PRICKLE1: variants seen among roughly 807,000 people sequenced by gnomAD.
The protein encoded by PRICKLE1 is prickle planar cell polarity protein 1, also known as prickle-like protein 1.
PRICKLE1 carries 14 observed loss-of-function variants against 70.2 expected under a neutral mutation model. The observed-to-expected ratio is 0.20, with a 90% CI of 0.13 to 0.31. The LOEUF is 0.31. PRICKLE1 is among the 10% of genes least tolerant of loss of function. The probability of loss-of-function intolerance (pLI) is 1.00; values close to 1 mark genes in which losing one functional copy is unlikely to be tolerated. For synonymous variants in PRICKLE1, 357 were observed against 379.9 expected, an observed-to-expected ratio of 0.94 and a Z score of 0.70; for missense variants, 821 against 1,026.2, an observed-to-expected ratio of 0.80 and a Z score of 2.73.
chr12:42,568,085 TC>T, intron 1 of PRICKLE1, among the ~76,000 whole-genome samples: 1 of 152,342 alleles, frequency 6.6e-6, no homozygotes, highest in African/African-American at 2.4e-5. Flanking sequence ...ATATAAATCA[TC>T]CTTGAGATCT....
chr12:42,561,122 C>A (rs1479764091), intron 1 of PRICKLE1, among the ~76,000 whole-genome samples: 1 of 152,124 alleles, frequency 6.6e-6, no homozygotes, highest in African/African-American at 2.4e-5. Context: ...AAACCAACAC[C>A]CTTCAAATGT....
In PRICKLE1 at chr12:42,458,656, C is replaced by T. The variant is rs991759765; in HGVS notation, c.*1153G>A. 6.6e-6 allele frequency: 1 copy of T among 152,164 alleles called. No individual in the cohort carries two copies. The highest frequency in any genetic ancestry group is 1.9e-4 in the East Asian group (1 of 5,196). 9.4% of individuals were successfully genotyped at this position (152,164 alleles called of 1,614,324 possible). ...GAGGGAAGGAATAAAAAGGAATAAC[C>T]TCTCTTAAAATAACAAATCTACAAA... On this transcript the variant is annotated 3_prime_UTR_variant, in exon 8 of 8. Coordinates refer to ENST00000345127, the MANE Select transcript of PRICKLE1 (RefSeq NM_153026.3).
At chr12:42,513,244 G>A (rs1184171615) in intron 1 of PRICKLE1, among the ~76,000 whole-genome samples, 5 of 152,068 alleles carry the variant, frequency 3.3e-5, no homozygotes, top group South Asian at 4.2e-4. Context: ...TTACAGGGGT[G>A]AGCCACCGCA....
At chr12:42,543,257 A>AT (rs1486454649) in intron 1 of PRICKLE1, among the ~76,000 whole-genome samples, 1 of 152,180 alleles carries the variant, frequency 6.6e-6, no homozygotes, top group Non-Finnish European at 1.5e-5. Flanking sequence ...TTCAGGCTAA[A>AT]TGTTCTTGAA....
intron 1 of PRICKLE1, among the ~76,000 whole-genome samples, chr12:42,479,513 T>G (rs571720949): frequency 6.6e-6 from 1 of 152,356 alleles, no homozygotes; most frequent in South Asian, 2.1e-4. Context: ...CACAGTGATA[T>G]AATGAGGGGT....
chr12:42,567,799 A>C (rs1233630765), intron 1 of PRICKLE1, among the ~76,000 whole-genome samples: 1 of 112,388 alleles, frequency 8.9e-6, no homozygotes, highest in Non-Finnish European at 2.3e-5. Flanking sequence ...TTCATCTCAA[A>C]AAAAAAAAAA....
chr12:42,460,550 A>G lies in PRICKLE1; in HGVS notation c.1755T>C (p.Ser585=), dbSNP rs749279543. 1 of 1,614,154 alleles carries G rather than the reference A, an allele frequency of 6.2e-7. No individual in the cohort carries two copies. The highest frequency in any genetic ancestry group is 2.2e-5 in the East Asian group (1 of 44,876). Residue 585 remains serine (S), a synonymous_variant, in exon 8 of 8, where the codon TCT becomes TCC. Coordinates refer to ENST00000345127, the MANE Select transcript of PRICKLE1 (RefSeq NM_153026.3). ...ACTCTGCACTCCTGTGCAGCATGGA[A>G]GAGTTCAAAGTTCCCATATTGCTCA... ...EKMSNMGTLN[S]SMLHRSAESL...
intron 1 of PRICKLE1, among the ~76,000 whole-genome samples, chr12:42,496,174 G>A (rs1240241811): frequency 6.6e-6 from 1 of 152,238 alleles, no homozygotes; most frequent in Non-Finnish European, 1.5e-5. Flanking sequence ...GTGTTTGCAA[G>A]CATGAAAGCA....
chr12:42,494,807 TAAAA>T (rs762488511), intron 1 of PRICKLE1, among the ~76,000 whole-genome samples: 2 of 90,552 alleles, frequency 2.2e-5, no homozygotes, highest in Non-Finnish European at 4.5e-5. Context: ...ACTCTGTCTC[TAAAA>T]AAAAAAAAAA....
At chr12:42,472,261 T>G in intron 2 of PRICKLE1, 124 bp downstream of exon 2, 3 of 1,097,670 alleles carry the variant, frequency 2.7e-6, no homozygotes, top group Non-Finnish European at 4.0e-6. Context: ...CAAAGAAGAA[T>G]AAGGACTGAG....
At position 42,459,985 on chromosome 12, in the gene PRICKLE1, C is replaced by T; in HGVS notation, c.2320G>A (p.Glu774Lys). The change falls in exon 8 of 8, where the codon GAA becomes AAA. Residue 774 changes from glutamate to lysine, a missense_variant. Coordinates refer to ENST00000345127, the MANE Select transcript of PRICKLE1 (RefSeq NM_153026.3). ...SSSSSSSDSE[E>K]EGYFLGQPIP... ...GGTTGTCCAAGAAAATATCCTTCTT[C>T]TTCCGAGTCGGAAGAGGAGGAGGAG... The T allele has an allele frequency of 6.2e-7, 1 of 1,614,100 alleles. No homozygotes were observed. Among genetic ancestry groups the T allele is most frequent in the Non-Finnish European group, 8.5e-7 (1 of 1,180,024 alleles).
At position 42,460,190 on chromosome 12, in the gene PRICKLE1, G is replaced by T; in HGVS notation, c.2115C>A (p.Thr705=). The part of the protein sequence containing the change: ...YSPKDRLRLY[T]PDNYEKFIQN... ...GTATAAATTTCTCATAGTTATCGGG[G>T]GTGTACAGCCGCAGTCTGTCCTTGG... is the stretch of plus-strand genomic sequence containing the variant. Residue 705 remains threonine (T), a synonymous_variant, in exon 8 of 8, where the codon ACC becomes ACA. Transcript: ENST00000345127. The T allele has an allele frequency of 1.2e-6, 2 of 1,614,036 alleles. No individual in the cohort carries two copies. The highest frequency in any genetic ancestry group is 1.7e-5 in the Admixed American group (1 of 60,004).
chr12:42,576,798 C>T (rs1184235446), intron 1 of PRICKLE1, among the ~76,000 whole-genome samples: 2 of 152,022 alleles, frequency 1.3e-5, no homozygotes, highest in Non-Finnish European at 2.9e-5. Context: ...GTGAACAAGA[C>T]CTGAGGTCCT....
intron 1 of PRICKLE1, among the ~76,000 whole-genome samples, chr12:42,500,477 G>C (rs1939286853): frequency 1.3e-5 from 2 of 152,110 alleles, no homozygotes; most frequent in South Asian, 4.1e-4. Flanking sequence ...CTTAAATGCA[G>C]ATTATGCTGA....
chr12:42,463,525 G>A (rs187769120), intron 7 of PRICKLE1: 1,638 of 152,238 alleles, frequency 0.011, 18 homozygotes, highest in Non-Finnish European at 0.018. Context: ...TTCGAGACCA[G>A]CCTGGCCAAT....
chr12:42,466,343 C>T lies in PRICKLE1; in HGVS notation c.626G>A (p.Arg209His), dbSNP rs758400992. Residue 209 changes from arginine (R) to histidine (H), a missense_variant, in exon 6 of 8, where the codon CGC (arginine) becomes CAC (histidine). Transcript: ENST00000345127. ...FADECTEAEGRHWHMKHFCCL... is the reference protein window; with the variant it reads ...FADECTEAEGHHWHMKHFCCL... ...GCAGAAGTGTTTCATGTGCCAATGG[C>T]GACCCTCAGCTTCTGTGCACTCATC... 2.9e-5 allele frequency: 46 copies of T among 1,613,998 alleles called. No homozygotes were observed. The highest frequency in any genetic ancestry group is 5.0e-5 in the Admixed American group (3 of 59,996).
At chr12:42,554,478 C>T (rs888529857) in intron 1 of PRICKLE1, among the ~76,000 whole-genome samples, 2 of 152,144 alleles carry the variant, frequency 1.3e-5, no homozygotes, top group Non-Finnish European at 2.9e-5. Context: ...TGATTTCCCT[C>T]GTTATCTTTT....
At chr12:42,585,076 C>T (rs1940965595) in intron 1 of PRICKLE1, among the ~76,000 whole-genome samples, 1 of 151,586 alleles carries the variant, frequency 6.6e-6, no homozygotes, top group Admixed American at 6.6e-5. Flanking sequence ...AAATGAAAGG[C>T]ATCTCTCCCA....
intron 5 of PRICKLE1, among the ~76,000 whole-genome samples, chr12:42,468,219 T>G (rs1938177461): frequency 6.6e-6 from 1 of 152,248 alleles, no homozygotes; most frequent in African/African-American, 2.4e-5. Flanking sequence ...TAATTTGGTA[T>G]TTGTCTTTCC....
Sources: gnomAD v4.1 joint callset for allele counts (sites outside exome capture counted in the v4.1 genomes callset) on GRCh38, gnomAD v4.1.1 for gene constraint, MANE v1.5 for transcripts, NCBI Gene and HGNC (gene_info 2026-07-23, HGNC 2026-07-21) for gene names.